MAP7: variants seen among roughly 807,000 people sequenced by gnomAD.
MAP7 encodes ensconsin.
In MAP7, 52 loss-of-function variants were observed where a neutral mutation model predicts 94.8. That is an observed-to-expected ratio of 0.55 (90% CI 0.44 to 0.69). The LOEUF is 0.69. Among genes scored for constraint, MAP7 ranks in the 30% least tolerant of loss-of-function variants. MAP7 has a pLI of 0.00. For synonymous variants in MAP7, 350 were observed against 357.0 expected (o/e 0.98, Z 0.22); for missense variants, 940 against 964.6 (o/e 0.97, Z 0.34).
intron 1 of MAP7, among the ~76,000 whole-genome samples, chr6:136,505,931 T>C (rs925157658): frequency 2.0e-5 from 3 of 152,218 alleles, no homozygotes; most frequent in African/African-American, 7.2e-5. Flanking sequence ...TATGTTGATA[T>C]AATCTTTTCC....
At position 136,456,825 on chromosome 6, in the gene MAP7, A is replaced by AGAAGAAGAAGAAG. The variant is rs1803298977; in HGVS notation, c.68-35039_68-35027dup. On this transcript the variant is annotated intron_variant, in intron 1 of 17. Transcript: ENST00000354570. The stretch of plus-strand genomic sequence containing the variant: ...AGAAGAAGAAGAAGAAGAAGAAGGA[A>AGAAGAAGAAGAAG]GAAGAAGAAGAAGAAGAAGAAGAGG... 1.0e-4 allele frequency among the ~76,000 whole-genome samples: 12 copies of AGAAGAAGAAGAAG among 120,140 alleles called. No homozygotes were observed. In the East Asian group the frequency reaches 1.2e-3, roughly 12 times the overall value. The allele number at this position is 120,140 out of a possible 152,430, so 78.8% of individuals were successfully genotyped here. A position where few individuals can be genotyped will look rare whatever the true frequency, so the allele number is the denominator to read the frequency against.
intron 1 of MAP7, among the ~76,000 whole-genome samples, chr6:136,538,996 CAAT>C (rs563777151): frequency 3.9e-4 from 60 of 152,166 alleles, no homozygotes; most frequent in African/African-American, 1.4e-3. Context: ...CACACAGCTA[CAAT>C]GAGGCCTGAA....
intron 5 of MAP7, among the ~76,000 whole-genome samples, chr6:136,384,796 T>C (rs1188429479): frequency 2.0e-5 from 3 of 152,162 alleles, no homozygotes; most frequent in Non-Finnish European, 4.4e-5. Context: ...AATTTTAGAA[T>C]TCTTAAGTTC....
At chr6:136,454,892 C>A (rs1363654128) in intron 1 of MAP7, among the ~76,000 whole-genome samples, 1 of 151,972 alleles carries the variant, frequency 6.6e-6, no homozygotes, top group African/African-American at 2.4e-5. Flanking sequence ...GGCCAAGACT[C>A]TGTCTAAAAA....
At chr6:136,364,670 C>G (rs1366938994) in intron 10 of MAP7, 3 of 169,434 alleles carry the variant, frequency 1.8e-5, no homozygotes, top group Non-Finnish European at 3.7e-5. Context: ...TCCTCATTCT[C>G]TCTTCCAGGT....
chr6:136,491,064 T>C (rs2128989273), intron 1 of MAP7, among the ~76,000 whole-genome samples: 1 of 152,346 alleles, frequency 6.6e-6, no homozygotes, highest in Non-Finnish European at 1.5e-5. Context: ...TACTCTCCTA[T>C]GTCATTTCTG....
At chr6:136,547,360 G>A (rs1829813151) in intron 1 of MAP7, among the ~76,000 whole-genome samples, 1 of 152,210 alleles carries the variant, frequency 6.6e-6, no homozygotes, top group East Asian at 1.9e-4. Context: ...TTTGCTTTTA[G>A]TTCAGGAGGT....
At chr6:136,368,732 T>C (rs1405269267) in intron 8 of MAP7, among the ~76,000 whole-genome samples, 1 of 152,072 alleles carries the variant, frequency 6.6e-6, no homozygotes, top group Middle Eastern at 3.4e-3. Flanking sequence ...AACTAGAAGA[T>C]AGTGCTGAAA....
At chr6:136,386,246 G>C (rs189213822) in intron 5 of MAP7, among the ~76,000 whole-genome samples, 72 of 152,258 alleles carry the variant, frequency 4.7e-4, no homozygotes, top group African/African-American at 1.7e-3. Context: ...AATAAGACCT[G>C]GTTGCTGTTC....
chr6:136,472,421 T>C (rs1809338227), intron 1 of MAP7, among the ~76,000 whole-genome samples: 1 of 152,192 alleles, frequency 6.6e-6, no homozygotes, highest in Admixed American at 6.5e-5. Context: ...CTTCAGAATA[T>C]GGGGCTAAAA....
intron 1 of MAP7, among the ~76,000 whole-genome samples, chr6:136,522,564 CTTT>C (rs528767561): frequency 1.1e-3 from 173 of 152,222 alleles, no homozygotes; most frequent in Admixed American, 5.0e-3. Flanking sequence ...TGGCAAACTT[CTTT>C]ATTACTGGTA....
intron 1 of MAP7, among the ~76,000 whole-genome samples, chr6:136,425,980 C>A (rs1346352098): frequency 6.6e-6 from 1 of 152,170 alleles, no homozygotes; most frequent in South Asian, 2.1e-4. Flanking sequence ...TCTACCACTT[C>A]TTTTTCCTTT....
At chr6:136,537,025 T>C (rs1352032142) in intron 1 of MAP7, among the ~76,000 whole-genome samples, 1 of 152,240 alleles carries the variant, frequency 6.6e-6, no homozygotes, top group Non-Finnish European at 1.5e-5. Context: ...AAGACTTACT[T>C]GCTACTGTGG....
intron 11 of MAP7, among the ~76,000 whole-genome samples, chr6:136,361,825 T>C (rs1373225511): frequency 6.6e-6 from 1 of 152,200 alleles, no homozygotes; most frequent in African/African-American, 2.4e-5. Flanking sequence ...AGGAGTTTTA[T>C]CTGGAAAGGA....
intron 3 of MAP7, among the ~76,000 whole-genome samples, chr6:136,406,869 G>C (rs1003345650): frequency 3.9e-5 from 6 of 151,960 alleles, no homozygotes; most frequent in African/African-American, 1.4e-4. Context: ...AGGGTAATAG[G>C]GCAGAAAAAC....
chr6:136,474,877 G>A (rs948617851), intron 1 of MAP7, among the ~76,000 whole-genome samples: 3 of 151,940 alleles, frequency 2.0e-5, no homozygotes, highest in Non-Finnish European at 2.9e-5. Flanking sequence ...CATTATGCTT[G>A]GCTAATTTTT....
At chr6:136,476,977 C>G (rs1811127174) in intron 1 of MAP7, among the ~76,000 whole-genome samples, 1 of 152,100 alleles carries the variant, frequency 6.6e-6, no homozygotes, top group Non-Finnish European at 1.5e-5. Flanking sequence ...GCAACCAATA[C>G]AAATACTAAT....
At chr6:136,387,256 A>G (rs1307386098) in intron 5 of MAP7, among the ~76,000 whole-genome samples, 1 of 152,254 alleles carries the variant, frequency 6.6e-6, no homozygotes, top group South Asian at 2.1e-4. Context: ...TTGACGGGGA[A>G]AAAAGCTAAA....
intron 1 of MAP7, among the ~76,000 whole-genome samples, chr6:136,457,728 A>G (rs1803800904): frequency 6.6e-6 from 1 of 152,202 alleles, no homozygotes; most frequent in Non-Finnish European, 1.5e-5. Context: ...ACAGCTACAG[A>G]AAAAGAAATT....
Sources: gnomAD v4.1 joint callset for allele counts (sites outside exome capture counted in the v4.1 genomes callset) on GRCh38, gnomAD v4.1.1 for gene constraint, MANE v1.5 for transcripts, NCBI Gene and HGNC (gene_info 2026-07-23, HGNC 2026-07-21) for gene names.